The following TERT variants were observed in gnomAD, a reference collection of about 807,000 sequenced individuals.
The protein encoded by TERT is telomerase reverse transcriptase, also known as telomerase catalytic subunit.
TERT carries 42 observed loss-of-function variants against 104.0 expected under a neutral mutation model. The observed-to-expected ratio is 0.40, with a 90% confidence interval of 0.32 to 0.52. The LOEUF (loss-of-function observed/expected upper bound fraction) is 0.52, where lower values mean the gene tolerates loss of function less well. Among genes scored for constraint, TERT ranks in the 20% least tolerant of loss-of-function variants. The pLI, the probability that TERT is intolerant of heterozygous loss-of-function variation, is 0.43. For missense variants in TERT, 1,101 were observed against 1,610.3 expected (o/e 0.68, Z 5.41); for synonymous variants, 781 against 725.6 (o/e 1.08, Z -1.23).
At chr5:1,294,745 C>CT in intron 1 of TERT, 26 bp downstream of exon 1, 1 of 1,560,494 alleles carries the variant, frequency 6.4e-7, no homozygotes, top group Non-Finnish European at 8.6e-7. Flanking sequence ...CAACCCCAGC[C>CT]GGACGCCGAC....
chr5:1,294,502 G>A lies in TERT; in HGVS notation c.384C>T (p.Thr128=), dbSNP rs1395849767. ...ACGCCCCGCTCCCCCGCAGTGCGTCGGTCACCGTGTTGGGCAGGTAGCTGC... is the reference window on the plus strand; with the variant it reads ...ACGCCCCGCTCCCCCGCAGTGCGTCAGTCACCGTGTTGGGCAGGTAGCTGC... The part of the protein sequence containing the change: ...SVRSYLPNTV[T]DALRGSGAWG... Residue 128 remains threonine, a synonymous_variant, in exon 2 of 16, where the codon ACC becomes ACT. Coordinates refer to ENST00000310581, the MANE Select transcript of TERT (RefSeq NM_198253.3). The A allele has an allele frequency of 6.3e-7, 1 of 1,584,270 alleles. No individual in the cohort carries two copies. Among genetic ancestry groups the A allele is most frequent in the Non-Finnish European group, 8.5e-7 (1 of 1,173,078 alleles).
chr5:1,280,126 T>G, intron 4 of TERT, 32 bp downstream of exon 4: 1 of 1,613,578 alleles, frequency 6.2e-7, no homozygotes, highest in African/African-American at 1.3e-5. Context: ...GCACTTCTGT[T>G]TAAAAAGGAA....
rs1251670688 is a variant in TERT at position 1,256,405 on chromosome 5, G to GTGCTCATA, written c.3033-1002_3033-995dup. 2.0e-5 allele frequency among the ~76,000 whole-genome samples: 3 copies of GTGCTCATA among 152,050 alleles called. No homozygotes were observed. In the South Asian group the frequency reaches 6.2e-4, roughly 32 times the overall value. ...ACCATGAAACAGCACATGTGCACAT[G>GTGCTCATA]TGCTCATATGTGCGTGTGATCAGAG... On this transcript the variant is annotated intron_variant, in intron 13 of 15. Transcript: ENST00000310581. This position sits in a 1 kb window ranked among gnomAD's most constrained non-coding sequence, Gnocchi z 7.0.
rs1747622199 is a variant in TERT, at chr5:1,255,101, C to T, written c.3157+186G>A. ...GGCAGCTCCCAGACAGCTCCTGTCC[C>T]TTCCATCAGGTGCTCTGCTCACCCC... On this transcript the variant is annotated intron_variant, in intron 14 of 15. Coordinates refer to ENST00000310581, the MANE Select transcript of TERT (RefSeq NM_198253.3). This position sits in a 1 kb window ranked among gnomAD's most constrained non-coding sequence, Gnocchi z 6.9. Among the ~76,000 whole-genome samples, 1 of 152,224 alleles carries T rather than the reference C, an allele frequency of 6.6e-6. No individual in the cohort carries two copies. The highest frequency in any genetic ancestry group is 2.4e-5 in the African/African-American group (1 of 41,470).
At chr5:1,283,660 C>T (rs1750234154) in intron 2 of TERT, among the ~76,000 whole-genome samples, 1 of 149,924 alleles carries the variant, frequency 6.7e-6, no homozygotes. Context: ...CGACCTCACG[C>T]CGGACCTGCA....
chr5:1,282,366 G>T (rs543128894), intron 3 of TERT, 63 bp downstream of exon 3: 1 of 1,563,644 alleles, frequency 6.4e-7, no homozygotes, highest in Non-Finnish European at 8.8e-7. Flanking sequence ...ACAGGCGCAT[G>T]CTGAGGCCGG....
Position 1,285,889 on chromosome 5 carries a change from C to T in TERT, c.1574-3265G>A, listed in dbSNP as rs1750449941. 2.0e-5 allele frequency among the ~76,000 whole-genome samples: 3 copies of T among 152,026 alleles called. No individual in the cohort carries two copies. The East Asian group carries it at 5.8e-4, about 30-fold the overall frequency. The stretch of plus-strand genomic sequence containing the variant: ...AGCCTAGAAATTTTAAAATTATCCA[C>T]ATGGCTCACGTCATGCTCCTGTTGG... On this transcript the variant is annotated intron_variant, in intron 2 of 15. Coordinates refer to ENST00000310581, the MANE Select transcript of TERT (RefSeq NM_198253.3).
At position 1,270,723 on chromosome 5, in the gene TERT, G is replaced by T. The variant is rs1311284627; in HGVS notation, c.2468+396C>A. On this transcript the variant is annotated intron_variant, in intron 8 of 15. Coordinates refer to ENST00000310581, the MANE Select transcript of TERT (RefSeq NM_198253.3). This position sits in a 1 kb window ranked among gnomAD's most constrained non-coding sequence, Gnocchi z 8.3. Reference sequence around the variant, plus strand: ...AATGAGAATCGGATAAAATCCTTTTGTATCGGGAGAGAGAGATACAAGCGT... The same window carrying T: ...AATGAGAATCGGATAAAATCCTTTTTTATCGGGAGAGAGAGATACAAGCGT... Among the ~76,000 whole-genome samples the T allele has an allele frequency of 6.6e-6, 1 of 152,256 alleles. No homozygotes were observed. The highest frequency in any genetic ancestry group is 1.5e-5 in the Non-Finnish European group (1 of 68,044).
In TERT at chr5:1,261,407, T is replaced by C. The variant is rs1748217500; in HGVS notation, c.2844-807A>G. ...TGGCAAGTCCCCCTGCCTGGAACAC[T>C]GGAAATGGTAAATAAGACCCGTGAT... is the stretch of plus-strand genomic sequence containing the variant. On this transcript the variant is annotated intron_variant, in intron 11 of 15. Transcript: ENST00000310581. The surrounding 1 kb of genome is among the most constrained non-coding windows in gnomAD (Gnocchi z 7.4). Among the ~76,000 whole-genome samples the C allele has an allele frequency of 6.6e-6, 1 of 152,170 alleles. No homozygotes were observed. The highest frequency in any genetic ancestry group is 6.5e-5 in the Admixed American group (1 of 15,274).
rs901991591 is a variant in TERT at position 1,269,400 on chromosome 5, A to C, written c.2469-767T>G. Reference sequence around the variant, plus strand: ...CGAGGTGGGTGGATCACCTGAGGTCAGGAGTTCGAGACCAGCCTGGCCAAC... The same window carrying C: ...CGAGGTGGGTGGATCACCTGAGGTCCGGAGTTCGAGACCAGCCTGGCCAAC... On this transcript the variant is annotated intron_variant, in intron 8 of 15. Transcript: ENST00000310581. The surrounding 1 kb of genome is among the most constrained non-coding windows in gnomAD (Gnocchi z 9.0). Among the ~76,000 whole-genome samples the C allele has an allele frequency of 1.3e-5, 2 of 152,188 alleles. No homozygotes were observed. The highest frequency in any genetic ancestry group is 6.5e-5 in the Admixed American group (1 of 15,278).
chr5:1,294,671 G>C lies in TERT; in HGVS notation c.220-5C>G. 2 of 1,593,224 alleles carry C rather than the reference G, an allele frequency of 1.3e-6. No homozygotes were observed. The highest frequency in any genetic ancestry group is 1.7e-6 in the Non-Finnish European group (2 of 1,177,880). ...CAGCTCCTTCAGGCAGGACACCTGC[G>C]GGGGAAGCGCCCTGAGTCGCCTGCG... On this transcript the variant is annotated splice_region_variant and splice_polypyrimidine_tract_variant and intron_variant, in intron 1 of 15. Coordinates refer to ENST00000310581, the MANE Select transcript of TERT (RefSeq NM_198253.3).
At position 1,294,388 on chromosome 5, in the gene TERT, G is replaced by C; in HGVS notation, c.498C>G (p.Cys166Trp). 6.3e-7 allele frequency: 1 copy of C among 1,580,654 alleles called. No homozygotes were observed. Among genetic ancestry groups the C allele is most frequent in the South Asian group, 1.1e-5 (1 of 88,558 alleles). The change falls in exon 2 of 16, where the codon TGC becomes TGG. Residue 166 changes from cysteine to tryptophan, a missense_variant. By Grantham distance (215) the Cys-to-Trp change is radical. Coordinates refer to ENST00000310581, the MANE Select transcript of TERT (RefSeq NM_198253.3). ...CALFVLVAPS[C>W]AYQVCGPPLY... is the part of the protein sequence containing the mutation. ...GCGGCGGCCCGCACACCTGGTAGGC[G>C]CAGCTGGGAGCCACCAGCACAAAGA...
chr5:1,277,722 A>G (rs894444602), intron 6 of TERT, among the ~76,000 whole-genome samples: 7 of 152,018 alleles, frequency 4.6e-5, no homozygotes, highest in African/African-American at 1.7e-4. Flanking sequence ...GGTGGTGGCC[A>G]TCAGCTTTCC....
intron 10 of TERT, 134 bp from the exon 11 acceptor site, chr5:1,264,726 C>T (rs1271619037): frequency 1.9e-6 from 2 of 1,052,888 alleles, no homozygotes; most frequent in East Asian, 2.5e-5. Context: ...CTGGCAGGAG[C>T]TCTGAGGAGC....
At position 1,272,082 on chromosome 5, in the gene TERT, C is replaced by A. The variant is rs975914820; in HGVS notation, c.2382+103G>T. 10 of 997,122 alleles carry A rather than the reference C, an allele frequency of 1.0e-5. No individual in the cohort carries two copies. In the African/African-American group the frequency reaches 1.1e-4, roughly 11 times the overall value. 61.8% of individuals were successfully genotyped at this position (997,122 alleles called of 1,614,324 possible). On this transcript the variant is annotated intron_variant, in intron 7 of 15. Coordinates refer to ENST00000310581, the MANE Select transcript of TERT (RefSeq NM_198253.3). ...CCATCACAGCTCATTCCCCCCACTG[C>A]CCCCCAGGGCCAACAGTCTGTCCGG... is the stretch of plus-strand genomic sequence containing the variant.
At chr5:1,272,441 CG>C (rs1473560423) in intron 6 of TERT, among the ~76,000 whole-genome samples, 161 bp from the exon 7 acceptor site, 1 of 151,910 alleles carries the variant, frequency 6.6e-6, no homozygotes, top group Admixed American at 6.6e-5. Flanking sequence ...AAACGGGGGC[CG>C]GGGGGCCGAG....
At chr5:1,283,802 C>T (rs1302133006) in intron 2 of TERT, among the ~76,000 whole-genome samples, 9 of 149,440 alleles carry the variant, frequency 6.0e-5, no homozygotes, top group Non-Finnish European at 1.0e-4. Context: ...CATCCGGACA[C>T]GGCACATCCA....
chr5:1,293,781 T>C lies in TERT; in HGVS notation c.1105A>G (p.Arg369Gly), dbSNP rs1561213793. ...CGGGGAGTCCCTGGCATCCAGGGCC[T>C]GGAACCCAGAAAGATGGTCTCCACG... ...RLVETIFLGSRPWMPGTPRRL... is the reference protein window; with the variant it reads ...RLVETIFLGSGPWMPGTPRRL... Residue 369 changes from arginine (R) to glycine (G), a missense_variant, in exon 2 of 16, where the codon AGG becomes GGG. This residue lies in a region of TERT where 504 missense variants were observed against 544.6 expected (regional missense o/e 0.93). Transcript: ENST00000310581. The C allele has an allele frequency of 6.4e-7, 1 of 1,553,532 alleles. No individual in the cohort carries two copies. The highest frequency in any genetic ancestry group is 2.4e-5 in the East Asian group (1 of 41,408).
At position 1,288,542 on chromosome 5, in the gene TERT, C is replaced by T. The variant is rs1750633202; in HGVS notation, c.1573+4771G>A. On this transcript the variant is annotated intron_variant, in intron 2 of 15. Coordinates refer to ENST00000310581, the MANE Select transcript of TERT (RefSeq NM_198253.3). The surrounding 1 kb of genome is among the most constrained non-coding windows in gnomAD (Gnocchi z 5.3). The stretch of plus-strand genomic sequence containing the variant: ...TGAGGGGGCGACTGGAGGCAGAGCC[C>T]AGCCTAAGCAATGAGCGGCAGGTGC... 6.6e-6 allele frequency among the ~76,000 whole-genome samples: 1 copy of T among 152,094 alleles called. No homozygotes were observed. Among genetic ancestry groups the T allele is most frequent in the Non-Finnish European group, 1.5e-5 (1 of 68,018 alleles).
Sources: gnomAD v4.1 joint callset for allele counts (sites outside exome capture counted in the v4.1 genomes callset) on GRCh38, gnomAD v4.1.1 for gene constraint, gnomAD v4.1.1 regional missense constraint, Gnocchi (gnomAD v3.1) non-coding constraint, MANE v1.5 for transcripts, NCBI Gene and HGNC (gene_info 2026-07-23, HGNC 2026-07-21) for gene names.